The following OR51B5 variants were observed in gnomAD, a reference collection of about 807,000 sequenced individuals.
OR51B5 encodes the protein olfactory receptor family 51 subfamily B member 5.
For missense variants in OR51B5, 456 were observed against 374.6 expected (o/e 1.22, Z -1.79); for synonymous variants, 186 against 144.8 (o/e 1.28, Z -2.04).
At chr11:5,462,532 CTT>C (rs1325256579) in intron 1 of OR51B5, among the ~76,000 whole-genome samples, 4 of 152,174 alleles carry the variant, frequency 2.6e-5, no homozygotes, top group African/African-American at 4.8e-5. Flanking sequence ...CTTCTTTGCT[CTT>C]GTGGTTATAG....
intron 1 of OR51B5, among the ~76,000 whole-genome samples, chr11:5,370,002 A>G (rs1849425493): frequency 6.6e-6 from 1 of 152,118 alleles, no homozygotes; most frequent in Non-Finnish European, 1.5e-5. Flanking sequence ...ATCTGTATCA[A>G]CAAGATCTTC....
intron 1 of OR51B5, among the ~76,000 whole-genome samples, chr11:5,466,614 A>G (rs1485430682): frequency 6.6e-6 from 1 of 152,360 alleles, no homozygotes; most frequent in Non-Finnish European, 1.5e-5. Context: ...ATTTTTGCTC[A>G]TAACTGTGTA....
intron 1 of OR51B5, chr11:5,454,409 TCAC>T (rs1164120887): frequency 1.2e-6 from 2 of 1,604,856 alleles, no homozygotes; most frequent in Non-Finnish European, 1.7e-6. Flanking sequence ...TCCGCATGTT[TCAC>T]CACATCAAAA....
rs928136208 is a variant in OR51B5, at chr11:5,358,395, G to A, written n.85-11485C>T. On this transcript the variant is annotated intron_variant and non_coding_transcript_variant, in intron 1 of 4. Transcript: ENST00000415970. ...CACAAATAAACTAGAAAATCTAGAA[G>A]AAATGGATAAATTCCTTGACACATA... is the stretch of plus-strand genomic sequence containing the variant. Among the ~76,000 whole-genome samples the A allele has an allele frequency of 7.0e-3, 1,063 of 152,312 alleles. 9 individuals carry two copies. The highest frequency in any genetic ancestry group is 0.025 in the African/African-American group (1,019 of 41,560).
At chr11:5,343,099 A>C (rs1397653107) in exon 1 of OR51B5, 3 of 1,613,362 alleles carry the variant, frequency 1.9e-6, no homozygotes, top group South Asian at 1.1e-5. Context: ...CTCCCAGCCC[A>C]ATCTTCACTA....
intron 1 of OR51B5, among the ~76,000 whole-genome samples, chr11:5,413,648 G>A (rs1262057836): frequency 6.6e-6 from 1 of 152,186 alleles, no homozygotes; most frequent in Non-Finnish European, 1.5e-5. Flanking sequence ...AGAAGTCTCA[G>A]GAGCCAATGC....
intron 1 of OR51B5, among the ~76,000 whole-genome samples, chr11:5,490,366 T>A (rs2133814783): frequency 6.6e-6 from 1 of 152,346 alleles, no homozygotes; most frequent in South Asian, 2.1e-4. Flanking sequence ...CATCACAGGG[T>A]TATTGTGATA....
intron 1 of OR51B5, chr11:5,351,448 A>T: frequency 7.3e-7 from 1 of 1,375,938 alleles, no homozygotes; most frequent in Non-Finnish European, 9.9e-7. Context: ...AGCAACTTTT[A>T]TACAACTGAT....
chr11:5,453,819 G>A (rs142182221), intron 1 of OR51B5: 1 of 1,614,194 alleles, frequency 6.2e-7, no homozygotes. Context: ...CTCCATGATG[G>A]AATCAGGTAT....
intron 1 of OR51B5, among the ~76,000 whole-genome samples, chr11:5,448,485 A>T (rs1850802169): frequency 1.3e-5 from 2 of 152,206 alleles, no homozygotes; most frequent in Non-Finnish European, 2.9e-5. Context: ...GTGTTGTCTT[A>T]TGTCCTATCC....
intron 1 of OR51B5, among the ~76,000 whole-genome samples, chr11:5,398,921 CA>C (rs1341785334): frequency 5.3e-5 from 8 of 152,074 alleles, no homozygotes; most frequent in African/African-American, 1.9e-4. Flanking sequence ...ATCTTTAGAG[CA>C]GTGTGAGAAT....
chr11:5,430,581 G>C (rs1000853447), intron 1 of OR51B5: 5 of 386,306 alleles, frequency 1.3e-5, no homozygotes, highest in South Asian at 7.8e-5. Flanking sequence ...GCCTAATGTA[G>C]AGCTTTGCCC....
chr11:5,415,033 C>T (rs1464062641), intron 1 of OR51B5, among the ~76,000 whole-genome samples: 2 of 152,052 alleles, frequency 1.3e-5, no homozygotes, highest in Non-Finnish European at 2.9e-5. Context: ...CAGTAAAGCT[C>T]TCCTCAGCAA....
chr11:5,443,201 T>C lies in OR51B5; in HGVS notation n.84+62368A>G, dbSNP rs117073764. Among the ~76,000 whole-genome samples the C allele has an allele frequency of 2.0e-3, 305 of 152,290 alleles. 5 individuals are homozygous for C. The South Asian group carries it at 0.035, about 17-fold the overall frequency. On this transcript the variant is annotated intron_variant and non_coding_transcript_variant, in intron 1 of 4. Coordinates refer to the OR51B5 transcript ENST00000415970. ...GAATTTCAGCATAATGTCTCTTTTA[T>C]TATTTTTCTCATTTTAGAGTTCCCA...
intron 1 of OR51B5, among the ~76,000 whole-genome samples, chr11:5,485,365 G>C (rs1590023474): frequency 6.6e-6 from 1 of 152,200 alleles, no homozygotes; most frequent in African/African-American, 2.4e-5. Context: ...AGAAATAGAT[G>C]TATCTTTCCC....
chr11:5,472,464 C>A (rs1345008206), intron 1 of OR51B5, among the ~76,000 whole-genome samples: 1 of 152,094 alleles, frequency 6.6e-6, no homozygotes, highest in Non-Finnish European at 1.5e-5. Context: ...ACTGCACACA[C>A]TGCACACAGC....
At position 5,422,941 on chromosome 11, in the gene OR51B5, T is replaced by G. The variant is rs770153143; in HGVS notation, n.85-76031A>C. The G allele has an allele frequency of 5.0e-6, 8 of 1,614,002 alleles. No homozygotes were observed. In the Admixed American group the frequency reaches 8.3e-5, roughly 17 times the overall value. Reference sequence around the variant, plus strand: ...CCCTCAATAACTGCCTGTCCCACATTCTAGCTGTCCTGGTCCTCTACATTC... The same window carrying G: ...CCCTCAATAACTGCCTGTCCCACATGCTAGCTGTCCTGGTCCTCTACATTC... On this transcript the variant is annotated intron_variant and non_coding_transcript_variant, in intron 1 of 4. Coordinates refer to the OR51B5 transcript ENST00000415970.
At chr11:5,502,270 C>G in intron 1 of OR51B5, among the ~76,000 whole-genome samples, 1 of 152,304 alleles carries the variant, frequency 6.6e-6, no homozygotes, top group South Asian at 2.1e-4. Flanking sequence ...ACCTTGCACT[C>G]ACCTGTCTTT....
At chr11:5,355,689 TA>T (rs1849182489) in intron 1 of OR51B5, 1 of 152,100 alleles carries the variant, frequency 6.6e-6, no homozygotes, top group Non-Finnish European at 1.5e-5. Flanking sequence ...AAATCATCTG[TA>T]AAAGTTATGT....
Sources: gnomAD v4.1 joint callset for allele counts (sites outside exome capture counted in the v4.1 genomes callset) on GRCh38, gnomAD v4.1.1 for gene constraint, MANE v1.5 for transcripts, NCBI Gene and HGNC (gene_info 2026-07-23, HGNC 2026-07-21) for gene names.